RGS3: variants seen among roughly 807,000 people sequenced by gnomAD.
RGS3 encodes the protein regulator of G protein signaling 3.
Under a neutral mutation model 132.6 loss-of-function variants are expected in RGS3, and 80 were observed. That is an observed-to-expected ratio of 0.60 (90% CI 0.50 to 0.73). RGS3 has a LOEUF of 0.73. Ranked by LOEUF, RGS3 falls within the 30% of genes least tolerant of loss-of-function variation. The probability of loss-of-function intolerance (pLI) is 0.00; values close to 1 mark genes in which losing one functional copy is unlikely to be tolerated. For missense variants in RGS3, 1,382 were observed against 1,530.8 expected, an observed-to-expected ratio of 0.90 and a Z score of 1.62; for synonymous variants, 598 against 620.6, an observed-to-expected ratio of 0.96 and a Z score of 0.54.
chr9:113,514,583 G>A (rs1831559625), exon 15 of RGS3: 2 of 1,614,036 alleles, frequency 1.2e-6, no homozygotes, highest in Non-Finnish European at 8.5e-7. Context: ...GAGGCCGCAT[G>A]CCACGCACTC....
At chr9:113,514,757 GC>G in intron 15 of RGS3, 103 bp downstream of exon 13, 1 of 1,130,100 alleles carries the variant, frequency 8.8e-7, no homozygotes. Context: ...AGGACTGAGG[GC>G]CCTGTTTTGG....
At chr9:113,594,402 C>G in intron 21 of RGS3, 28 bp from the exon 20 acceptor site, 1 of 1,611,422 alleles carries the variant, frequency 6.2e-7, no homozygotes, top group East Asian at 2.2e-5. Context: ...CCAGGCTGAG[C>G]AACCCTCTTT....
intron 3 of RGS3, among the ~76,000 whole-genome samples, chr9:113,478,216 TCTC>T (rs1256147301): frequency 2.0e-5 from 3 of 152,022 alleles, no homozygotes; most frequent in Non-Finnish European, 2.9e-5. Context: ...CCCTCCCTGT[TCTC>T]CTCCCTTCCT....
At chr9:113,477,523 A>G (rs950655471) in intron 3 of RGS3, among the ~76,000 whole-genome samples, 5 of 152,174 alleles carry the variant, frequency 3.3e-5, no homozygotes, top group Admixed American at 3.3e-4. Context: ...CTAACCAGAA[A>G]CAAAGCAAAG....
At chr9:113,486,580 T>C (rs1194503365) in intron 7 of RGS3, among the ~76,000 whole-genome samples, 1 of 152,212 alleles carries the variant, frequency 6.6e-6, no homozygotes, top group Non-Finnish European at 1.5e-5. Flanking sequence ...GGCCCACTGT[T>C]AGCGGCAGTG....
intron 8 of RGS3, among the ~76,000 whole-genome samples, chr9:113,496,590 G>T (rs182798629): frequency 2.1e-3 from 319 of 151,398 alleles, no homozygotes; most frequent in Non-Finnish European, 3.5e-3. Context: ...TCACTCTGTT[G>T]CCCAGGCTGG....
At chr9:113,476,407 A>G (rs778908878) in intron 3 of RGS3, among the ~76,000 whole-genome samples, 5 of 152,224 alleles carry the variant, frequency 3.3e-5, no homozygotes, top group Middle Eastern at 3.4e-3. Flanking sequence ...TGTGTCAGAC[A>G]TTTGGTGGAG....
intron 19 of RGS3, among the ~76,000 whole-genome samples, chr9:113,564,168 C>G (rs538560267): frequency 6.6e-6 from 1 of 152,196 alleles, no homozygotes; most frequent in Non-Finnish European, 1.5e-5. Flanking sequence ...TGGTTAAGAG[C>G]GGGCATGGTG....
chr9:113,524,638 C>G (rs1435687101), intron 17 of RGS3, among the ~76,000 whole-genome samples: 2 of 152,216 alleles, frequency 1.3e-5, no homozygotes, highest in Non-Finnish European at 2.9e-5. Flanking sequence ...CTGTGCTGTG[C>G]TGTGTGGCTT....
At chr9:113,454,931 A>G (rs1186665795) in intron 1 of RGS3, among the ~76,000 whole-genome samples, 1 of 152,098 alleles carries the variant, frequency 6.6e-6, no homozygotes, top group Non-Finnish European at 1.5e-5. Context: ...CAAACCCATG[A>G]GCTCATTAGC....
intron 4 of RGS3, among the ~76,000 whole-genome samples, chr9:113,482,460 G>A (rs765055763): frequency 2.0e-5 from 3 of 152,158 alleles, no homozygotes; most frequent in Non-Finnish European, 4.4e-5. Flanking sequence ...GCCTGGGTCC[G>A]TCCACCCCTG....
intron 19 of RGS3, among the ~76,000 whole-genome samples, chr9:113,555,901 G>A (rs10981826): frequency 0.12 from 18,132 of 152,152 alleles, 1,308 homozygotes; most frequent in African/African-American, 0.19. Context: ...CACATACCAC[G>A]TCATCTCATT....
chr9:113,467,713 A>G (rs1443849403), intron 3 of RGS3, among the ~76,000 whole-genome samples: 5 of 151,934 alleles, frequency 3.3e-5, no homozygotes, highest in Admixed American at 3.3e-4. Flanking sequence ...TTGAATCCCA[A>G]ACTTTTTTTG....
intron 18 of RGS3, among the ~76,000 whole-genome samples, chr9:113,531,608 T>G (rs1210646130): frequency 6.6e-6 from 1 of 152,190 alleles, no homozygotes; most frequent in Non-Finnish European, 1.5e-5. Context: ...AAATCACAAA[T>G]GATTTATTGG....
intron 1 of RGS3, among the ~76,000 whole-genome samples, chr9:113,451,108 G>A (rs1480669268): frequency 6.6e-6 from 1 of 150,868 alleles, no homozygotes; most frequent in Non-Finnish European, 1.5e-5. Context: ...AACCTGGGAG[G>A]CGGAGCTTGC....
At chr9:113,455,988 A>T (rs1829355050), upstream of RGS3, among the ~76,000 whole-genome samples, 1 of 152,146 alleles carries the variant, frequency 6.6e-6, no homozygotes, top group Non-Finnish European at 1.5e-5. Context: ...TTATTCTGGG[A>T]TGAAAGGTCA....
intron 14 of RGS3, among the ~76,000 whole-genome samples, chr9:113,510,163 C>T (rs1403358586): frequency 6.6e-6 from 1 of 152,134 alleles, no homozygotes; most frequent in Non-Finnish European, 1.5e-5. Flanking sequence ...GCTTAGCTCC[C>T]ATGTATCGTT....
At chr9:113,524,419 T>A (rs1255696378) in intron 17 of RGS3, among the ~76,000 whole-genome samples, 5 of 152,074 alleles carry the variant, frequency 3.3e-5, no homozygotes, top group Admixed American at 2.6e-4. Flanking sequence ...GGTTGGTACA[T>A]GAATGGAACC....
intron 10 of RGS3, among the ~76,000 whole-genome samples, chr9:113,501,975 C>T (rs1451815400): frequency 6.6e-6 from 1 of 152,212 alleles, no homozygotes; most frequent in Non-Finnish European, 1.5e-5. Flanking sequence ...GCTAACTTTT[C>T]CTGCTTCTGA....
Sources: gnomAD v4.1 joint callset for allele counts (sites outside exome capture counted in the v4.1 genomes callset) on GRCh38, gnomAD v4.1.1 for gene constraint, MANE v1.5 for transcripts, NCBI Gene and HGNC (gene_info 2026-07-23, HGNC 2026-07-21) for gene names.